ST3GAL3: variants seen among roughly 807,000 people sequenced by gnomAD.
The protein encoded by ST3GAL3 is ST3 beta-galactoside alpha-2,3-sialyltransferase 3.
In ST3GAL3, 21 loss-of-function variants were observed where a neutral mutation model predicts 50.1. That is an observed-to-expected ratio of 0.42 (90% CI 0.30 to 0.60). ST3GAL3 has a LOEUF of 0.60. Ranked by LOEUF, ST3GAL3 falls within the 20% of genes least tolerant of loss-of-function variation. The pLI is 0.19. For missense variants in ST3GAL3, 353 were observed against 489.4 expected (o/e 0.72, Z 2.63); for synonymous variants, 183 against 190.0 (o/e 0.96, Z 0.30).
chr1:43,752,635 T>C (rs541778566), intron 2 of ST3GAL3, among the ~76,000 whole-genome samples: 14 of 152,176 alleles, frequency 9.2e-5, no homozygotes, highest in South Asian at 2.1e-4. Context: ...CATGTGGTGG[T>C]TGGGACTACA....
rs187297997 is a variant in ST3GAL3 at position 43,875,797 on chromosome 1, C to T, written c.303-18586C>T. Among the ~76,000 whole-genome samples the T allele has an allele frequency of 3.0e-3, 461 of 152,186 alleles. 2 individuals are homozygous for T. The highest frequency in any genetic ancestry group is 0.011 in the African/African-American group (439 of 41,520). On this transcript the variant is annotated intron_variant, in intron 5 of 11. Coordinates refer to ENST00000347631, the MANE Select transcript of ST3GAL3 (RefSeq NM_006279.5). ...GTATTTCTTTATAGCAGCGTGAGAA[C>T]AGACTAATACATGAAGAAAATTCAT...
At chr1:43,818,943 G>T (rs1187153443) in intron 4 of ST3GAL3, among the ~76,000 whole-genome samples, 2 of 152,174 alleles carry the variant, frequency 1.3e-5, no homozygotes, top group African/African-American at 4.8e-5. Flanking sequence ...AGGGCCAAAT[G>T]GTAAATATTT....
intron 2 of ST3GAL3, among the ~76,000 whole-genome samples, chr1:43,764,012 A>G (rs941596814): frequency 9.2e-5 from 14 of 152,210 alleles, no homozygotes; most frequent in Admixed American, 2.6e-4. Context: ...CTTAACTGTC[A>G]TTTATTCAAT....
intron 5 of ST3GAL3, among the ~76,000 whole-genome samples, chr1:43,883,382 A>G (rs926517551): frequency 3.3e-5 from 5 of 152,236 alleles, no homozygotes; most frequent in African/African-American, 1.2e-4. Context: ...TATGGAATGA[A>G]AAGGGGGATG....
intron 1 of ST3GAL3, among the ~76,000 whole-genome samples, chr1:43,730,103 T>TGTTGTCTACTTTTGGAAATCA (rs1674963892): frequency 6.6e-6 from 1 of 152,234 alleles, no homozygotes; most frequent in East Asian, 1.9e-4. Flanking sequence ...CTCTTTTGTA[T>TGTTGTCTACTTTTGGAAATCA]GTTGTCTACT....
At chr1:43,748,325 G>A (rs568760399) in intron 2 of ST3GAL3, among the ~76,000 whole-genome samples, 4 of 151,416 alleles carry the variant, frequency 2.6e-5, no homozygotes, top group Non-Finnish European at 5.9e-5. Context: ...CTGCTGAGAG[G>A]AATTAAAGAT....
chr1:43,802,527 C>T (rs1390222443), intron 3 of ST3GAL3, among the ~76,000 whole-genome samples: 1 of 152,204 alleles, frequency 6.6e-6, no homozygotes, highest in Non-Finnish European at 1.5e-5. Context: ...AGGCTACATT[C>T]AATGCACATA....
chr1:43,708,796 A>G (rs1662947286), intron 1 of ST3GAL3, among the ~76,000 whole-genome samples: 1 of 152,240 alleles, frequency 6.6e-6, no homozygotes, highest in African/African-American at 2.4e-5. Context: ...TAAAATGTTA[A>G]CGATGAAACA....
At chr1:43,874,543 T>C (rs1184454530) in intron 5 of ST3GAL3, among the ~76,000 whole-genome samples, 1 of 152,148 alleles carries the variant, frequency 6.6e-6, no homozygotes, top group Non-Finnish European at 1.5e-5. Context: ...GAGAAGGGGT[T>C]TAATATGGAT....
chr1:43,708,861 CTT>C (rs1663012535), intron 1 of ST3GAL3, among the ~76,000 whole-genome samples: 1 of 152,200 alleles, frequency 6.6e-6, no homozygotes, highest in African/African-American at 2.4e-5. Flanking sequence ...TGGAACGCCT[CTT>C]GAGTACATAT....
chr1:43,886,620 T>A (rs1231575838), intron 5 of ST3GAL3, among the ~76,000 whole-genome samples: 2 of 152,174 alleles, frequency 1.3e-5, no homozygotes, highest in Non-Finnish European at 2.9e-5. Flanking sequence ...AATGCATGTG[T>A]AAATGCAAGA....
intron 2 of ST3GAL3, among the ~76,000 whole-genome samples, chr1:43,767,874 A>G (rs1481075620): frequency 6.6e-6 from 1 of 152,102 alleles, no homozygotes; most frequent in Non-Finnish European, 1.5e-5. Flanking sequence ...GTATGATGCT[A>G]CTATAACCTA....
intron 1 of ST3GAL3, among the ~76,000 whole-genome samples, chr1:43,731,378 ATTTT>A (rs4019073): frequency 2.9e-5 from 2 of 69,854 alleles, no homozygotes; most frequent in Admixed American, 1.7e-4. Context: ...CACCCAGCTA[ATTTT>A]TTTTTTTTTT....
intron 5 of ST3GAL3, among the ~76,000 whole-genome samples, chr1:43,860,564 T>C (rs1408671082): frequency 6.6e-6 from 1 of 152,238 alleles, no homozygotes; most frequent in Non-Finnish European, 1.5e-5. Flanking sequence ...TGAGCCTTGC[T>C]CTATCCATCT....
intron 9 of ST3GAL3, chr1:43,919,756 G>A (rs57982747): frequency 0.05 from 7,632 of 153,964 alleles, 622 homozygotes; most frequent in African/African-American, 0.17. Flanking sequence ...CTGGGATGTC[G>A]GATTTCAGAG....
At chr1:43,721,803 G>A (rs1433001940) in intron 1 of ST3GAL3, among the ~76,000 whole-genome samples, 1 of 152,018 alleles carries the variant, frequency 6.6e-6, no homozygotes, top group Non-Finnish European at 1.5e-5. Context: ...GTTTCACCAT[G>A]TTGGTCAGGC....
intron 5 of ST3GAL3, among the ~76,000 whole-genome samples, chr1:43,880,943 T>C (rs2075012517): frequency 6.6e-6 from 1 of 152,164 alleles, no homozygotes; most frequent in Non-Finnish European, 1.5e-5. Flanking sequence ...ACGTTGATCA[T>C]GTATTTCATA....
At chr1:43,791,142 G>A (rs1456286541) in intron 2 of ST3GAL3, among the ~76,000 whole-genome samples, 1 of 152,144 alleles carries the variant, frequency 6.6e-6, no homozygotes, top group Non-Finnish European at 1.5e-5. Context: ...ATGAGTTCAA[G>A]CGTCACTTCT....
chr1:43,802,618 G>T (rs1014760959), intron 3 of ST3GAL3, among the ~76,000 whole-genome samples: 1 of 152,234 alleles, frequency 6.6e-6, no homozygotes, highest in Non-Finnish European at 1.5e-5. Context: ...TCCCCACCTG[G>T]CTGGCCTGCC....
Sources: allele counts gnomAD v4.1 joint callset (sites outside exome capture counted in the v4.1 genomes callset), GRCh38; gene constraint gnomAD v4.1.1; transcripts MANE v1.5; gene names NCBI Gene and HGNC (gene_info 2026-07-23, HGNC 2026-07-21).